Variants in CTNNA3 observed in about 807,000 individuals in gnomAD.
The protein encoded by CTNNA3 is catenin alpha-3.
A neutral mutation model predicts 95.7 loss-of-function variants in CTNNA3; 76 were observed. That is an observed-to-expected ratio of 0.79 (90% confidence interval 0.66 to 0.96). The LOEUF (loss-of-function observed/expected upper bound fraction) is 0.96. Among genes scored for constraint, CTNNA3 ranks in the 40% least tolerant of loss-of-function variants. CTNNA3 has a pLI of 0.00. For missense variants in CTNNA3, 1,191 were observed against 1,089.8 expected (o/e 1.09, Z -1.31); for synonymous variants, 431 against 374.4 (o/e 1.15, Z -1.74).
At chr10:67,038,009 C>T (rs1854170974) in intron 7 of CTNNA3, among the ~76,000 whole-genome samples, 1 of 151,944 alleles carries the variant, frequency 6.6e-6, no homozygotes, top group Non-Finnish European at 1.5e-5. Context: ...TCATGTAAGC[C>T]ATAGGAGACG....
At chr10:66,701,574 T>C (rs1311844830) in intron 9 of CTNNA3, among the ~76,000 whole-genome samples, 2 of 152,310 alleles carry the variant, frequency 1.3e-5, no homozygotes, top group East Asian at 1.9e-4. Flanking sequence ...GTCTTGTTAA[T>C]TTTTTATAGA....
At chr10:67,002,249 A>G (rs1851733549) in intron 7 of CTNNA3, among the ~76,000 whole-genome samples, 1 of 152,132 alleles carries the variant, frequency 6.6e-6, no homozygotes, top group African/African-American at 2.4e-5. Flanking sequence ...CTTATCTATA[A>G]TATTCTACTT....
chr10:67,416,789 A>C (rs1207475079), intron 5 of CTNNA3, among the ~76,000 whole-genome samples: 1 of 152,014 alleles, frequency 6.6e-6, no homozygotes, highest in Non-Finnish European at 1.5e-5. Context: ...TTAAAGAGCC[A>C]AAAAAACAAC....
intron 15 of CTNNA3, among the ~76,000 whole-genome samples, chr10:66,056,729 AT>A (rs1397159324): frequency 6.6e-6 from 1 of 152,050 alleles, no homozygotes; most frequent in African/African-American, 2.4e-5. Flanking sequence ...CAGGTTTTGG[AT>A]TTCTTCAGCA....
At chr10:66,452,416 A>T (rs1218052953) in intron 11 of CTNNA3, among the ~76,000 whole-genome samples, 3 of 152,096 alleles carry the variant, frequency 2.0e-5, no homozygotes, top group Non-Finnish European at 1.5e-5. Flanking sequence ...CAGTGAAATA[A>T]ATCTGACCTA....
intron 5 of CTNNA3, among the ~76,000 whole-genome samples, chr10:67,286,829 T>C (rs144901766): frequency 2.9e-3 from 447 of 152,282 alleles, no homozygotes; most frequent in African/African-American, 9.9e-3. Context: ...AGAATATTAA[T>C]CTAGAGTTGA....
chr10:67,313,446 T>TAAG (rs932864213), intron 5 of CTNNA3, among the ~76,000 whole-genome samples: 3 of 149,604 alleles, frequency 2.0e-5, no homozygotes, highest in African/African-American at 7.4e-5. Flanking sequence ...AAAAAAAAAA[T>TAAG]AATAATAATA....
intron 13 of CTNNA3, among the ~76,000 whole-genome samples, chr10:66,119,964 A>G (rs1482762688): frequency 6.6e-6 from 1 of 152,132 alleles, no homozygotes; most frequent in Non-Finnish European, 1.5e-5. Context: ...CCTCTTTCTC[A>G]TTGTAAACTT....
intron 5 of CTNNA3, among the ~76,000 whole-genome samples, chr10:67,258,707 A>T (rs927340169): frequency 2.6e-5 from 4 of 152,232 alleles, no homozygotes; most frequent in African/African-American, 9.6e-5. Flanking sequence ...AATCTTAAAA[A>T]TTAGTCACTT....
At chr10:66,614,107 G>C (rs926044346) in intron 10 of CTNNA3, among the ~76,000 whole-genome samples, 1 of 152,076 alleles carries the variant, frequency 6.6e-6, no homozygotes, top group African/African-American at 2.4e-5. Flanking sequence ...AACTTAATCA[G>C]AACAAGTTGC....
chr10:66,697,183 T>G (rs1400569735), intron 9 of CTNNA3, among the ~76,000 whole-genome samples: 6 of 151,094 alleles, frequency 4.0e-5, no homozygotes, highest in African/African-American at 1.5e-4. Flanking sequence ...CCACTTTTAT[T>G]ACTTTTATTA....
chr10:66,325,510 GC>G (rs1459070497), intron 12 of CTNNA3, among the ~76,000 whole-genome samples: 2 of 152,076 alleles, frequency 1.3e-5, no homozygotes, highest in African/African-American at 2.4e-5. Context: ...CTCTGAAAGT[GC>G]TGGGATTATA....
chr10:67,358,886 G>C (rs1842907513), intron 5 of CTNNA3, among the ~76,000 whole-genome samples: 1 of 152,060 alleles, frequency 6.6e-6, no homozygotes, highest in Non-Finnish European at 1.5e-5. Context: ...GATTTGGTAA[G>C]GGGGTCATCA....
At chr10:67,046,358 G>A (rs1281162663) in intron 7 of CTNNA3, among the ~76,000 whole-genome samples, 3 of 152,148 alleles carry the variant, frequency 2.0e-5, no homozygotes, top group Non-Finnish European at 4.4e-5. Context: ...GCACAGATGT[G>A]AGCGAACAGC....
In CTNNA3 at chr10:65,988,728, T is replaced by G. The variant is rs752989304; in HGVS notation, c.2229A>C (p.Ser743=). The G allele has an allele frequency of 6.2e-7, 1 of 1,614,028 alleles. No individual in the cohort carries two copies. Among genetic ancestry groups the G allele is most frequent in the South Asian group, 1.1e-5 (1 of 91,074 alleles). Residue 743 remains serine, a synonymous_variant, in exon 16 of 18, where the codon TCA becomes TCC. Coordinates refer to ENST00000433211, the MANE Select transcript of CTNNA3 (RefSeq NM_013266.4). ...TCTGCCGAGCAAGGACATCCATCCT[T>G]GATCCTGATTCTGATATCATTTTCG... is the stretch of plus-strand genomic sequence containing the variant. ...YAAKMISESG[S]RMDVLARQIA...
chr10:67,383,751 T>C (rs1440599577), intron 5 of CTNNA3, among the ~76,000 whole-genome samples: 2 of 152,216 alleles, frequency 1.3e-5, no homozygotes, highest in Non-Finnish European at 2.9e-5. Context: ...TTCTATTATA[T>C]GGCAGCTGCA....
chr10:67,267,712 A>C (rs1866886289), intron 5 of CTNNA3, among the ~76,000 whole-genome samples: 1 of 152,216 alleles, frequency 6.6e-6, no homozygotes, highest in Non-Finnish European at 1.5e-5. Flanking sequence ...GATATTTAGA[A>C]ATATGAATAT....
At chr10:67,466,229 G>C (rs969215216) in intron 5 of CTNNA3, among the ~76,000 whole-genome samples, 2 of 152,052 alleles carry the variant, frequency 1.3e-5, no homozygotes, top group African/African-American at 2.4e-5. Flanking sequence ...GTATCTCATA[G>C]GGGAAATATG....
At chr10:66,111,964 T>A (rs2133781323) in intron 13 of CTNNA3, among the ~76,000 whole-genome samples, 1 of 152,294 alleles carries the variant, frequency 6.6e-6, no homozygotes, top group East Asian at 1.9e-4. Flanking sequence ...GTAAATCCTT[T>A]GAATTTTCAG....
Sources: allele counts gnomAD v4.1 joint callset (sites outside exome capture counted in the v4.1 genomes callset), GRCh38; gene constraint gnomAD v4.1.1; transcripts MANE v1.5; gene names NCBI Gene and HGNC (gene_info 2026-07-23, HGNC 2026-07-21).